The following DNM1 variants were observed in gnomAD, a reference collection of about 807,000 sequenced individuals.
The protein encoded by DNM1 is dynamin 1.
A neutral mutation model predicts 104.6 loss-of-function variants in DNM1; 29 were observed. That is an observed-to-expected ratio of 0.28 (90% confidence interval 0.21 to 0.38). The LOEUF (loss-of-function observed/expected upper bound fraction) is 0.38, where lower values mean the gene tolerates loss of function less well. Among genes scored for constraint, DNM1 ranks in the 10% least tolerant of loss-of-function variants. The pLI is 1.00. For synonymous variants in DNM1, 445 were observed against 475.8 expected (o/e 0.94, Z 0.84); for missense variants, 640 against 1,189.4 (o/e 0.54, Z 6.79).
rs1834748461 is a variant in DNM1, at chr9:128,218,509, G to A, written c.236-73G>A. The A allele has an allele frequency of 6.5e-7, 1 of 1,535,856 alleles. No individual in the cohort carries two copies. Among genetic ancestry groups the A allele is most frequent in the African/African-American group, 1.4e-5 (1 of 72,954 alleles). On this transcript the variant is annotated intron_variant, in intron 2 of 21. Transcript: ENST00000372923. This position sits in a 1 kb window ranked among gnomAD's most constrained non-coding sequence, Gnocchi z 4.8. ...TGTCTAGGGGGTTCTATTACCGGTG[G>A]GAGATGAAAACCCCCAGGTGGGGTT... is the stretch of plus-strand genomic sequence containing the variant.
chr9:128,254,610 G>C lies in DNM1; in HGVS notation c.2535-44G>C. ...CGCTTGCCTTACCAGCTCTCTCCTC[G>C]CTTTTCTCTCCCGTTTTCTCTCTGC... On this transcript the variant is annotated intron_variant, in intron 21 of 21. Coordinates refer to ENST00000372923, the MANE Select transcript of DNM1 (RefSeq NM_004408.4). This position sits in a 1 kb window ranked among gnomAD's most constrained non-coding sequence, Gnocchi z 6.1. The C allele has an allele frequency of 6.3e-7, 1 of 1,589,472 alleles. No individual in the cohort carries two copies. Among genetic ancestry groups the C allele is most frequent in the Non-Finnish European group, 8.5e-7 (1 of 1,175,458 alleles).
At chr9:128,216,030 C>G (rs1249124401) in intron 1 of DNM1, among the ~76,000 whole-genome samples, 1 of 152,048 alleles carries the variant, frequency 6.6e-6, no homozygotes, top group Non-Finnish European at 1.5e-5. Flanking sequence ...TCCCACCCCC[C>G]AGCAAACCCC....
At position 128,248,310 on chromosome 9, in the gene DNM1, C is replaced by A; in HGVS notation, c.1906-273C>A. On this transcript the variant is annotated intron_variant, in intron 18 of 21. Transcript: ENST00000372923. This position sits in a 1 kb window ranked among gnomAD's most constrained non-coding sequence, Gnocchi z 5.6. ...CTGCACTCCAGCCTGGGTGACAAAGCAAGACTTTCTCAAAATAATAATAAT... is the reference window on the plus strand; with the variant it reads ...CTGCACTCCAGCCTGGGTGACAAAGAAAGACTTTCTCAAAATAATAATAAT... 1 of 487,436 alleles carries A rather than the reference C, an allele frequency of 2.1e-6. No homozygotes were observed. Among genetic ancestry groups the A allele is most frequent in the Non-Finnish European group, 3.7e-6 (1 of 273,144 alleles). The allele number at this position is 487,436 out of a possible 1,614,324, so 30.2% of individuals were successfully genotyped here.
chr9:128,240,294 G>T lies in DNM1; in HGVS notation c.1557+298G>T. On this transcript the variant is annotated intron_variant, in intron 14 of 21. Coordinates refer to ENST00000372923, the MANE Select transcript of DNM1 (RefSeq NM_004408.4). This position sits in a 1 kb window ranked among gnomAD's most constrained non-coding sequence, Gnocchi z 5.1. ...CTCCTTAAACATCTGCTGGATGGAG[G>T]GATGCACGTGAGCAAGACACATTTT... 1 of 431,584 alleles carries T rather than the reference G, an allele frequency of 2.3e-6. No homozygotes were observed. The highest frequency in any genetic ancestry group is 4.2e-6 in the Non-Finnish European group (1 of 238,468). 26.7% of individuals were successfully genotyped at this position (431,584 alleles called of 1,614,324 possible). A position where few individuals can be genotyped will look rare whatever the true frequency, so the allele number is the denominator to read the frequency against.
At chr9:128,221,967 A>G (rs1835050772) in intron 6 of DNM1, among the ~76,000 whole-genome samples, 1 of 152,228 alleles carries the variant, frequency 6.6e-6, no homozygotes, top group Non-Finnish European at 1.5e-5. Flanking sequence ...TTCCAAATAC[A>G]AATCCAGATT....
chr9:128,254,562 C>G lies in DNM1; in HGVS notation c.2535-92C>G, dbSNP rs556722625. 1 of 1,585,242 alleles carries G rather than the reference C, an allele frequency of 6.3e-7. No individual in the cohort carries two copies. Among genetic ancestry groups the G allele is most frequent in the African/African-American group, 1.3e-5 (1 of 74,422 alleles). On this transcript the variant is annotated intron_variant, in intron 21 of 21. Transcript: ENST00000372923. This position sits in a 1 kb window ranked among gnomAD's most constrained non-coding sequence, Gnocchi z 6.1. Reference sequence around the variant, plus strand: ...CGGCCCTCCCACCACTGCTGCGGCGCGGCCGGCCCCGGCCGTGTGCTGCGC... The same window carrying G: ...CGGCCCTCCCACCACTGCTGCGGCGGGGCCGGCCCCGGCCGTGTGCTGCGC...
rs77264652 is a variant in DNM1 at position 128,226,336 on chromosome 9, C to A, written c.1335+1947C>A. Among the ~76,000 whole-genome samples the A allele has an allele frequency of 0.17, 25,920 of 152,160 alleles. 2,489 individuals are homozygous for A. The highest frequency in any genetic ancestry group is 0.34 in the East Asian group (1,768 of 5,162). On this transcript the variant is annotated intron_variant, in intron 10 of 21. Transcript: ENST00000372923. ...TAACCCTGGGTACTTGCACTCATGACCCCTCCAGGCCCCCATCCCAGAAGA... is the reference window on the plus strand; with the variant it reads ...TAACCCTGGGTACTTGCACTCATGAACCCTCCAGGCCCCCATCCCAGAAGA...
At chr9:128,221,565 A>G (rs978286529) in intron 6 of DNM1, among the ~76,000 whole-genome samples, 2 of 152,186 alleles carry the variant, frequency 1.3e-5, no homozygotes, top group African/African-American at 2.4e-5. Context: ...TCCAAGGGGC[A>G]GCCCTCTGGC....
rs749637261 is a variant in DNM1, at chr9:128,219,272, C to T, written c.589+20C>T. The T allele has an allele frequency of 1.2e-6, 2 of 1,607,088 alleles. No individual in the cohort carries two copies. The highest frequency in any genetic ancestry group is 1.7e-6 in the Non-Finnish European group (2 of 1,173,954). ...CCCAGGGTAGGTTCCCACCCGGTGGCCAATGCACAAAACCCCAGGCTTGCA... is the reference window on the plus strand; with the variant it reads ...CCCAGGGTAGGTTCCCACCCGGTGGTCAATGCACAAAACCCCAGGCTTGCA... On this transcript the variant is annotated intron_variant, in intron 4 of 21. Coordinates refer to ENST00000372923, the MANE Select transcript of DNM1 (RefSeq NM_004408.4).
intron 19 of DNM1, among the ~76,000 whole-genome samples, chr9:128,249,192 CAAA>C (rs113241852): frequency 6.8e-5 from 8 of 117,862 alleles, no homozygotes; most frequent in African/African-American, 3.0e-5. Context: ...GACTCCATCT[CAAA>C]AAAAAAAAAA....
intron 1 of DNM1, among the ~76,000 whole-genome samples, chr9:128,209,777 C>A (rs1834181119): frequency 6.6e-6 from 1 of 152,184 alleles, no homozygotes; most frequent in Non-Finnish European, 1.5e-5. Context: ...CTGGTCCCCA[C>A]TTGGGCCTGG....
intron 1 of DNM1, among the ~76,000 whole-genome samples, chr9:128,212,197 T>C (rs1231021430): frequency 1.3e-5 from 2 of 152,180 alleles, no homozygotes; most frequent in African/African-American, 4.8e-5. Context: ...TCAGCAGCCC[T>C]AGGAGGCAGC....
At chr9:128,234,419 G>A (rs1482890709) in intron 11 of DNM1, among the ~76,000 whole-genome samples, 6 of 152,254 alleles carry the variant, frequency 3.9e-5, no homozygotes, top group Admixed American at 2.6e-4. Context: ...CTGGAGTGCA[G>A]TGGTGTGATC....
Position 128,203,759 on chromosome 9 carries a change from C to T in DNM1, c.161+128C>T. On this transcript the variant is annotated intron_variant, in intron 1 of 21. Coordinates refer to ENST00000372923, the MANE Select transcript of DNM1 (RefSeq NM_004408.4). The surrounding 1 kb of genome is among the most constrained non-coding windows in gnomAD (Gnocchi z 5.3). ...GCACCCGCGGCCGGCGCGCCCCCCA[C>T]CCCCAGCCGGAGCGAGGAGGCCCTC... The T allele has an allele frequency of 1.1e-6, 1 of 872,206 alleles. No homozygotes were observed. The highest frequency in any genetic ancestry group is 1.5e-6 in the Non-Finnish European group (1 of 665,176). 54.0% of individuals were successfully genotyped at this position (872,206 alleles called of 1,614,324 possible). A position where few individuals can be genotyped will look rare whatever the true frequency, so the allele number is the denominator to read the frequency against.
chr9:128,254,774 T>A lies in DNM1; in HGVS notation c.*60T>A. 1 of 1,481,556 alleles carries A rather than the reference T, an allele frequency of 6.7e-7. No individual in the cohort carries two copies. The highest frequency in any genetic ancestry group is 2.3e-5 in the East Asian group (1 of 44,260). 91.8% of individuals were successfully genotyped at this position (1,481,556 alleles called of 1,614,324 possible). On this transcript the variant is annotated 3_prime_UTR_variant, in exon 22 of 22. Coordinates refer to ENST00000372923, the MANE Select transcript of DNM1 (RefSeq NM_004408.4). The surrounding 1 kb of genome is among the most constrained non-coding windows in gnomAD (Gnocchi z 6.1). ...CAAGCCTGCCTGGACGGCTGTTCTG[T>A]GACTTGACAGTGGCTCCCCCAGCCC... is the stretch of plus-strand genomic sequence containing the variant.
Position 128,248,889 on chromosome 9 carries a change from G to A in DNM1, c.2076+136G>A. On this transcript the variant is annotated intron_variant, in intron 19 of 21. Coordinates refer to ENST00000372923, the MANE Select transcript of DNM1 (RefSeq NM_004408.4). This position sits in a 1 kb window ranked among gnomAD's most constrained non-coding sequence, Gnocchi z 5.6. ...GGGAGGCACGGTCCAGACCAGAGCT[G>A]TCCAATAGAAATATCATGAGGGGCT... 2 of 952,672 alleles carry A rather than the reference G, an allele frequency of 2.1e-6. No individual in the cohort carries two copies. 59.0% of individuals were successfully genotyped at this position (952,672 alleles called of 1,614,324 possible).
chr9:128,230,254 A>G (rs1452783290), intron 10 of DNM1, among the ~76,000 whole-genome samples: 1 of 150,826 alleles, frequency 6.6e-6, no homozygotes, highest in African/African-American at 2.4e-5. Flanking sequence ...AAAAAAAAAG[A>G]TGGGATTCAC....
intron 1 of DNM1, among the ~76,000 whole-genome samples, chr9:128,217,894 C>G (rs1834710017): frequency 6.6e-6 from 1 of 152,136 alleles, no homozygotes; most frequent in South Asian, 2.1e-4. Flanking sequence ...ATGTGGGAGA[C>G]CCCATGCCTC....
In DNM1 at chr9:128,218,382, G is replaced by A. The variant is rs1834739482; in HGVS notation, c.235+78G>A. The A allele has an allele frequency of 6.5e-7, 1 of 1,546,396 alleles. No homozygotes were observed. Among genetic ancestry groups the A allele is most frequent in the Non-Finnish European group, 8.9e-7 (1 of 1,118,630 alleles). ...CGTCCCCAAGCTGAGGGCCAGCCTGGCCACGAACTTGCTTGCTGTGTGACT... is the reference window on the plus strand; with the variant it reads ...CGTCCCCAAGCTGAGGGCCAGCCTGACCACGAACTTGCTTGCTGTGTGACT... On this transcript the variant is annotated intron_variant, in intron 2 of 21. Coordinates refer to ENST00000372923, the MANE Select transcript of DNM1 (RefSeq NM_004408.4). This position sits in a 1 kb window ranked among gnomAD's most constrained non-coding sequence, Gnocchi z 4.8.
Sources: gnomAD v4.1 joint callset for allele counts (sites outside exome capture counted in the v4.1 genomes callset) on GRCh38, gnomAD v4.1.1 for gene constraint, Gnocchi (gnomAD v3.1) non-coding constraint, MANE v1.5 for transcripts, NCBI Gene and HGNC (gene_info 2026-07-23, HGNC 2026-07-21) for gene names.